Variants in MYO16 observed in about 807,000 individuals in gnomAD.
MYO16 encodes the protein unconventional myosin-XVI.
In MYO16, 94 loss-of-function variants were observed where a neutral mutation model predicts 205.3. The ratio of observed to expected loss-of-function variants is 0.46; its 90% CI spans 0.39 to 0.54. The LOEUF (loss-of-function observed/expected upper bound fraction) is 0.54, where lower values mean the gene tolerates loss of function less well. Among genes scored for constraint, MYO16 ranks in the 20% least tolerant of loss-of-function variants. The pLI is 0.00. For synonymous variants in MYO16, 988 were observed against 954.0 expected, an observed-to-expected ratio of 1.04 and a Z score of -0.66; for missense variants, 2,315 against 2,387.5, an observed-to-expected ratio of 0.97 and a Z score of 0.63.
intron 2 of MYO16, among the ~76,000 whole-genome samples, chr13:108,708,397 GA>G (rs1020824346): frequency 6.6e-6 from 1 of 152,002 alleles, no homozygotes; most frequent in African/African-American, 2.4e-5. Context: ...ATTTCAGGAG[GA>G]AAAAAATGAC....
intron 27 of MYO16, among the ~76,000 whole-genome samples, chr13:109,057,556 G>A (rs146798458): frequency 6.6e-6 from 1 of 152,006 alleles, no homozygotes; most frequent in Admixed American, 6.6e-5. Flanking sequence ...GCAGGGCTTT[G>A]GGAAGGACGG....
At chr13:108,964,652 C>A in intron 19 of MYO16, 109 bp from the exon 20 acceptor site, 1 of 1,161,370 alleles carries the variant, frequency 8.6e-7, no homozygotes, top group Non-Finnish European at 1.2e-6. Flanking sequence ...TTTTATACAT[C>A]ACTTGTCTTG....
intron 1 of MYO16, among the ~76,000 whole-genome samples, chr13:108,598,702 C>A (rs935007292): frequency 6.6e-6 from 1 of 152,130 alleles, no homozygotes; most frequent in Non-Finnish European, 1.5e-5. Flanking sequence ...AGTATGATCT[C>A]CTCTCGCACC....
At chr13:108,808,457 G>A (rs531958062) in intron 7 of MYO16, among the ~76,000 whole-genome samples, 5 of 151,866 alleles carry the variant, frequency 3.3e-5, no homozygotes, top group African/African-American at 9.7e-5. Context: ...GACTACAGGC[G>A]CTCACCACCA....
At chr13:108,945,497 G>T (rs1882902782) in intron 16 of MYO16, among the ~76,000 whole-genome samples, 1 of 152,062 alleles carries the variant, frequency 6.6e-6, no homozygotes, top group African/African-American at 2.4e-5. Flanking sequence ...TTTTAAAATA[G>T]GAGCCAAATC....
In MYO16 at chr13:108,883,034, C is replaced by G. The variant is rs141477021; in HGVS notation, c.1426-25C>G. On this transcript the variant is annotated intron_variant, in intron 12 of 34. Coordinates refer to ENST00000457511, the MANE Select transcript of MYO16 (RefSeq NM_001198950.3). Reference sequence around the variant, plus strand: ...CTGGCGCCTTTTCACTGAGGTTTTCCCCTTGCTGCTGCCCTGTTTTCCAGG... The same window carrying G: ...CTGGCGCCTTTTCACTGAGGTTTTCGCCTTGCTGCTGCCCTGTTTTCCAGG... 2.9e-4 allele frequency: 474 copies of G among 1,611,738 alleles called. 4 individuals carry two copies. The African/African-American group carries it at 4.9e-3, about 17-fold the overall frequency.
intron 7 of MYO16, among the ~76,000 whole-genome samples, chr13:108,812,268 G>A (rs1371046546): frequency 1.3e-5 from 2 of 152,100 alleles, no homozygotes; most frequent in South Asian, 2.1e-4. Context: ...CACAACTTGC[G>A]GTAGTTGTCA....
At chr13:109,130,332 A>G (rs1375308650) in intron 31 of MYO16, among the ~76,000 whole-genome samples, 2 of 152,202 alleles carry the variant, frequency 1.3e-5, no homozygotes, top group East Asian at 3.8e-4. Context: ...GGGCAAGTGT[A>G]TGCATTGTTT....
intron 1 of MYO16, among the ~76,000 whole-genome samples, chr13:108,617,641 T>C (rs1879395993): frequency 6.6e-6 from 1 of 152,080 alleles, no homozygotes. Flanking sequence ...TAAACAAAAT[T>C]ACTAAAGGAA....
intron 4 of MYO16, among the ~76,000 whole-genome samples, chr13:108,731,135 T>C (rs1407727202): frequency 6.6e-6 from 1 of 152,192 alleles, no homozygotes; most frequent in Non-Finnish European, 1.5e-5. Context: ...AGTAATTCTT[T>C]GTCTAACTAA....
intron 1 of MYO16, among the ~76,000 whole-genome samples, chr13:108,663,598 A>G (rs1049450826): frequency 1.3e-5 from 2 of 152,168 alleles, no homozygotes; most frequent in African/African-American, 4.8e-5. Flanking sequence ...AAATAAGAAA[A>G]TTGATTTAAG....
chr13:108,520,019 A>G, the MYO16 span, among the ~76,000 whole-genome samples: 2 of 152,176 alleles, frequency 1.3e-5, no homozygotes, highest in Admixed American at 1.3e-4. Context: ...ATAGCAACTT[A>G]CTAGAATTAT....
At chr13:108,786,111 A>C (rs1356507194) in intron 5 of MYO16, among the ~76,000 whole-genome samples, 1 of 152,230 alleles carries the variant, frequency 6.6e-6, no homozygotes, top group African/African-American at 2.4e-5. Context: ...GGTCATCTGA[A>C]GTGTATTCTC....
intron 7 of MYO16, among the ~76,000 whole-genome samples, chr13:108,808,966 T>G (rs1176517102): frequency 6.6e-6 from 1 of 152,142 alleles, no homozygotes; most frequent in East Asian, 1.9e-4. Flanking sequence ...AGGCAGAGAA[T>G]TAGTGGCTAT....
chr13:108,812,369 G>A (rs1887320231), intron 7 of MYO16, among the ~76,000 whole-genome samples: 3 of 152,156 alleles, frequency 2.0e-5, no homozygotes, highest in Admixed American at 2.0e-4. Context: ...TCTCAGACAG[G>A]AGCCAACACA....
chr13:109,100,775 C>G lies in MYO16; in HGVS notation c.3336-10C>G. 1 of 1,599,246 alleles carries G rather than the reference C, an allele frequency of 6.3e-7. No homozygotes were observed. The highest frequency in any genetic ancestry group is 8.6e-7 in the Non-Finnish European group (1 of 1,167,374). Reference sequence around the variant, plus strand: ...CAGTCATTGCTTTCTGTCTCTGCTGCTTTTCACAGGTATAAGCCACTGGCT... The same window carrying G: ...CAGTCATTGCTTTCTGTCTCTGCTGGTTTTCACAGGTATAAGCCACTGGCT... On this transcript the variant is annotated splice_polypyrimidine_tract_variant and intron_variant, in intron 27 of 34. Coordinates refer to ENST00000457511, the MANE Select transcript of MYO16 (RefSeq NM_001198950.3).
chr13:108,651,516 C>A (rs1009867052), intron 1 of MYO16, among the ~76,000 whole-genome samples: 4 of 152,072 alleles, frequency 2.6e-5, no homozygotes, highest in African/African-American at 4.8e-5. Flanking sequence ...AGTAAATATA[C>A]CTTACATTAT....
At chr13:108,605,454 G>A (rs1482162275) in intron 1 of MYO16, among the ~76,000 whole-genome samples, 1 of 152,160 alleles carries the variant, frequency 6.6e-6, no homozygotes, top group Non-Finnish European at 1.5e-5. Flanking sequence ...ATCCCCACAT[G>A]TTGGGTGAGG....
chr13:108,739,556 G>A (rs1884828224), intron 4 of MYO16, among the ~76,000 whole-genome samples: 2 of 152,146 alleles, frequency 1.3e-5, no homozygotes, highest in Admixed American at 6.5e-5. Context: ...CTTTCTCTCT[G>A]GCTGCCCTTA....
Sources: allele counts gnomAD v4.1 joint callset (sites outside exome capture counted in the v4.1 genomes callset), GRCh38; gene constraint gnomAD v4.1.1; transcripts MANE v1.5; gene names NCBI Gene and HGNC (gene_info 2026-07-23, HGNC 2026-07-21).